CLEC16A: variants seen among roughly 807,000 people sequenced by gnomAD.
CLEC16A encodes the protein protein CLEC16A.
CLEC16A carries 51 observed loss-of-function variants against 109.5 expected under a neutral mutation model. That is an observed-to-expected ratio of 0.47 (90% CI 0.37 to 0.59). The LOEUF is 0.59. Among genes scored for constraint, CLEC16A ranks in the 20% least tolerant of loss-of-function variants. CLEC16A has a pLI of 0.00. For synonymous variants in CLEC16A, 673 were observed against 564.2 expected (o/e 1.19, Z -2.73); for missense variants, 1,339 against 1,394.0 (o/e 0.96, Z 0.63).
chr16:11,103,665 C>T (rs1331940243), intron 19 of CLEC16A, among the ~76,000 whole-genome samples: 1 of 152,200 alleles, frequency 6.6e-6, no homozygotes, highest in Non-Finnish European at 1.5e-5. Context: ...CAGTCTACAT[C>T]CTCCTGGTCT....
chr16:11,107,110 C>T (rs1353689692), intron 19 of CLEC16A, among the ~76,000 whole-genome samples: 2 of 152,184 alleles, frequency 1.3e-5, no homozygotes, highest in African/African-American at 2.4e-5. Flanking sequence ...TAGTGGGACG[C>T]CCAGTGAACA....
At chr16:11,140,444 G>C (rs1322600080) in intron 22 of CLEC16A, among the ~76,000 whole-genome samples, 1 of 152,172 alleles carries the variant, frequency 6.6e-6, no homozygotes, top group East Asian at 1.9e-4. Context: ...TTTTTGGCCA[G>C]ATTTCCAGCA....
At chr16:11,024,060 C>T (rs888335228) in intron 12 of CLEC16A, 1 of 152,252 alleles carries the variant, frequency 6.6e-6, no homozygotes, top group Non-Finnish European at 1.5e-5. Flanking sequence ...ACTATCGATT[C>T]TTCGCAGTCA....
At chr16:11,015,166 C>G (rs1402388588) in intron 11 of CLEC16A, among the ~76,000 whole-genome samples, 1 of 152,220 alleles carries the variant, frequency 6.6e-6, no homozygotes, top group African/African-American at 2.4e-5. Context: ...GATCCGCATT[C>G]ATCTAGAAAA....
chr16:11,160,481 G>A (rs1194343415), intron 22 of CLEC16A, among the ~76,000 whole-genome samples: 1 of 152,062 alleles, frequency 6.6e-6, no homozygotes, highest in East Asian at 1.9e-4. Context: ...TAAGCCCTAG[G>A]TGGCGGGTCA....
intron 11 of CLEC16A, among the ~76,000 whole-genome samples, chr16:11,012,397 G>C (rs1026371788): frequency 2.0e-5 from 3 of 152,008 alleles, no homozygotes; most frequent in South Asian, 4.1e-4. Context: ...AGATCGAGAC[G>C]ATCCTGGCTA....
chr16:11,080,355 G>A (rs78014880), intron 19 of CLEC16A, among the ~76,000 whole-genome samples: 3,597 of 152,302 alleles, frequency 0.024, 64 homozygotes, highest in African/African-American at 0.041. Flanking sequence ...GGTAAACAGG[G>A]ACAAGAATTG....
At chr16:11,044,178 T>A in intron 16 of CLEC16A, 106 bp downstream of exon 16, 2 of 938,116 alleles carry the variant, frequency 2.1e-6, no homozygotes, top group Non-Finnish European at 3.0e-6. Context: ...CAGTTATTTT[T>A]TATGCCTATA....
intron 19 of CLEC16A, among the ~76,000 whole-genome samples, chr16:11,096,513 T>C (rs988619029): frequency 2.0e-5 from 3 of 152,226 alleles, no homozygotes; most frequent in Admixed American, 6.5e-5. Context: ...ATTTATTTCC[T>C]GATTATAAAA....
At chr16:11,097,747 C>T (rs749222219) in intron 19 of CLEC16A, among the ~76,000 whole-genome samples, 22 of 152,170 alleles carry the variant, frequency 1.4e-4, no homozygotes, top group Non-Finnish European at 2.9e-4. Context: ...AACGTCTTGC[C>T]CCAGTGTCTG....
chr16:11,075,372 A>G, intron 19 of CLEC16A, among the ~76,000 whole-genome samples: 1 of 138,106 alleles, frequency 7.2e-6, no homozygotes, highest in African/African-American at 2.8e-5. Context: ...GTGACCTTGG[A>G]TATGTCTGTG....
intron 10 of CLEC16A, among the ~76,000 whole-genome samples, chr16:10,986,156 A>G (rs1183110957): frequency 6.7e-6 from 1 of 148,362 alleles, no homozygotes; most frequent in Non-Finnish European, 1.5e-5. Flanking sequence ...TCAGCCTCCC[A>G]AGTAGCTGGG....
intron 23 of CLEC16A, among the ~76,000 whole-genome samples, chr16:11,170,191 T>C (rs1042821941): frequency 2.0e-5 from 3 of 152,162 alleles, no homozygotes; most frequent in Non-Finnish European, 2.9e-5. Context: ...TGTTTCTCCT[T>C]CCAACGTGCG....
chr16:11,026,993 G>A, intron 13 of CLEC16A: 1 of 1,556,384 alleles, frequency 6.4e-7, no homozygotes, highest in Non-Finnish European at 8.8e-7. Flanking sequence ...TGGTGGGGTT[G>A]CGCATGATCA....
At chr16:10,952,408 C>A (rs531273077) in intron 1 of CLEC16A, among the ~76,000 whole-genome samples, 9 of 152,310 alleles carry the variant, frequency 5.9e-5, no homozygotes, top group African/African-American at 2.2e-4. Flanking sequence ...GTAGGAGAAT[C>A]GCCTGAACCT....
chr16:11,053,609 G>A (rs370539265), intron 18 of CLEC16A, among the ~76,000 whole-genome samples: 3 of 152,100 alleles, frequency 2.0e-5, no homozygotes, highest in Non-Finnish European at 2.9e-5. Context: ...GGACCCAAGC[G>A]ATCCGCCCAC....
intron 17 of CLEC16A, chr16:11,047,713 C>T (rs1280923599): frequency 1.3e-5 from 2 of 157,888 alleles, no homozygotes; most frequent in African/African-American, 4.8e-5. Flanking sequence ...TTGTCCCTTT[C>T]TTGCTGAATT....
At chr16:11,142,079 C>G (rs1303494117) in intron 22 of CLEC16A, among the ~76,000 whole-genome samples, 1 of 152,154 alleles carries the variant, frequency 6.6e-6, no homozygotes, top group African/African-American at 2.4e-5. Flanking sequence ...CTCCACAGCC[C>G]AGGTTCACAG....
chr16:11,128,269 G>A (rs2153041461), intron 22 of CLEC16A, among the ~76,000 whole-genome samples: 1 of 152,356 alleles, frequency 6.6e-6, no homozygotes, highest in South Asian at 2.1e-4. Context: ...TTTGCAGAAT[G>A]CTTTAGGATG....
Sources: allele counts gnomAD v4.1 joint callset (sites outside exome capture counted in the v4.1 genomes callset), GRCh38; gene constraint gnomAD v4.1.1; transcripts MANE v1.5; gene names NCBI Gene and HGNC (gene_info 2026-07-23, HGNC 2026-07-21).